The following EFCAB7 variants were observed in gnomAD, a reference collection of about 807,000 sequenced individuals.
EFCAB7 encodes the protein EF-hand calcium-binding domain-containing protein 7.
In EFCAB7, 66 loss-of-function variants were observed where a neutral mutation model predicts 77.1. The ratio of observed to expected loss-of-function variants is 0.86; its 90% CI spans 0.70 to 1.05. The LOEUF (loss-of-function observed/expected upper bound fraction) is 1.05. Among genes scored for constraint, EFCAB7 ranks in the 50% least tolerant of loss-of-function variants. EFCAB7 has a pLI of 0.00. For missense variants in EFCAB7, 638 were observed against 730.5 expected (o/e 0.87, Z 1.46); for synonymous variants, 225 against 243.3 (o/e 0.92, Z 0.70).
intron 8 of EFCAB7, among the ~76,000 whole-genome samples, chr1:63,553,830 T>A (rs151100622): frequency 4.8e-4 from 73 of 152,092 alleles, no homozygotes; most frequent in African/African-American, 1.7e-3. Context: ...CTAAGTTGGT[T>A]TTTGTTTGTC....
chr1:63,571,540 G>C (rs1647257596), intron 13 of EFCAB7, among the ~76,000 whole-genome samples: 1 of 151,854 alleles, frequency 6.6e-6, no homozygotes, highest in South Asian at 2.1e-4. Context: ...GGACATGGTG[G>C]CAGACGCCTG....
chr1:63,538,467 T>C (rs1486500582), intron 6 of EFCAB7, among the ~76,000 whole-genome samples: 4 of 152,260 alleles, frequency 2.6e-5, no homozygotes, highest in African/African-American at 4.8e-5. Flanking sequence ...TTTTCTTTTT[T>C]TTTTGAGATG....
Position 63,555,481 on chromosome 1 carries a change from G to A in EFCAB7, c.1180G>A (p.Glu394Lys). The part of the protein sequence containing the change: ...TDEAQLVYRD[E>K]TGELFLTKEF... ...TGAAGCCCAACTTGTATATAGAGAT[G>A]AAACAGGGGAATTATTCCTTACAAA... Residue 394 changes from glutamate (E) to lysine (K), a missense_variant, in exon 9 of 14, where the codon GAA becomes AAA. By Grantham distance (56) the Glu-to-Lys change is moderately conservative (BLOSUM62 1). Coordinates refer to ENST00000371088, the MANE Select transcript of EFCAB7 (RefSeq NM_032437.4). 1 of 1,613,384 alleles carries A rather than the reference G, an allele frequency of 6.2e-7. No individual in the cohort carries two copies. The highest frequency in any genetic ancestry group is 8.5e-7 in the Non-Finnish European group (1 of 1,179,636).
chr1:63,552,131 G>A (rs1346512626), intron 8 of EFCAB7, among the ~76,000 whole-genome samples: 2 of 151,956 alleles, frequency 1.3e-5, no homozygotes. Flanking sequence ...GAAGCAGGAG[G>A]ATTACTTGAG....
At position 63,562,966 on chromosome 1, in the gene EFCAB7, T is replaced by C. The variant is rs562467115; in HGVS notation, c.1497+1109T>C. Among the ~76,000 whole-genome samples the C allele has an allele frequency of 5.3e-5, 8 of 152,292 alleles. 1 individual carries two copies. The highest frequency in any genetic ancestry group is 1.9e-4 in the African/African-American group (8 of 41,584). Reference sequence around the variant, plus strand: ...TCAAAACCTTCATTAACCTGTTTGGTGAGAGGTTCTCTATTCTTTCCCCAT... The same window carrying C: ...TCAAAACCTTCATTAACCTGTTTGGCGAGAGGTTCTCTATTCTTTCCCCAT... On this transcript the variant is annotated intron_variant, in intron 11 of 13. Coordinates refer to ENST00000371088, the MANE Select transcript of EFCAB7 (RefSeq NM_032437.4).
chr1:63,584,347 G>A, the EFCAB7 span, among the ~76,000 whole-genome samples: 15 of 152,248 alleles, frequency 9.9e-5, no homozygotes, highest in South Asian at 1.5e-3. Flanking sequence ...TTGAGGACAG[G>A]AGTTCAAGAT....
intron 2 of EFCAB7, among the ~76,000 whole-genome samples, chr1:63,528,445 G>C (rs1018796472): frequency 6.6e-6 from 1 of 152,004 alleles, no homozygotes; most frequent in African/African-American, 2.4e-5. Flanking sequence ...GAAAGGTAGT[G>C]GGGGTAGGGG....
chr1:63,554,695 C>T (rs1647007452), intron 8 of EFCAB7, among the ~76,000 whole-genome samples: 1 of 152,098 alleles, frequency 6.6e-6, no homozygotes, highest in South Asian at 2.1e-4. Context: ...TGTTCTGGTA[C>T]CCATGATAAA....
At chr1:63,553,339 G>T (rs1292455608) in intron 8 of EFCAB7, among the ~76,000 whole-genome samples, 1 of 151,658 alleles carries the variant, frequency 6.6e-6, no homozygotes, top group Non-Finnish European at 1.5e-5. Flanking sequence ...TTTCATTTTT[G>T]TTTGTTTGTT....
intron 5 of EFCAB7, 70 bp from the exon 6 acceptor site, chr1:63,534,025 C>T: frequency 6.4e-7 from 1 of 1,555,648 alleles, no homozygotes. Flanking sequence ...TTATACTGCA[C>T]TGTGTTTGGA....
At chr1:63,556,649 CTG>C (rs1293484536) in intron 9 of EFCAB7, among the ~76,000 whole-genome samples, 2 of 152,164 alleles carry the variant, frequency 1.3e-5, no homozygotes, top group Non-Finnish European at 2.9e-5. Flanking sequence ...TGAGCCAAAA[CTG>C]TATTTGGTTA....
intron 6 of EFCAB7, 25 bp downstream of exon 6, chr1:63,534,241 G>A (rs1048952830): frequency 2.3e-5 from 37 of 1,595,380 alleles, no homozygotes; most frequent in Non-Finnish European, 3.0e-5. Flanking sequence ...GTTAACAGAT[G>A]ACTTTTTCTG....
chr1:63,528,620 T>G (rs183498421), intron 2 of EFCAB7, among the ~76,000 whole-genome samples: 22 of 152,264 alleles, frequency 1.4e-4, no homozygotes, highest in Admixed American at 3.3e-4. Flanking sequence ...ACAGATACCC[T>G]ATTTACCCTG....
intron 3 of EFCAB7, 23 bp downstream of exon 3, chr1:63,532,054 G>T: frequency 6.4e-7 from 1 of 1,562,592 alleles, no homozygotes. Context: ...AAACTGTTTT[G>T]TAATGTGCAT....
intron 2 of EFCAB7, among the ~76,000 whole-genome samples, chr1:63,528,660 A>G (rs1035012892): frequency 3.9e-5 from 6 of 152,178 alleles, no homozygotes; most frequent in Non-Finnish European, 8.8e-5. Flanking sequence ...GTATCAAAAA[A>G]TCTCATATTA....
At position 63,525,750 on chromosome 1, in the gene EFCAB7, CT is replaced by C; in HGVS notation, c.181del (p.Tyr61ThrfsTer2). On this transcript the variant is annotated frameshift_variant, in exon 2 of 14. Transcript: ENST00000371088. LOFTEE classifies it high-confidence loss of function. ...SLENIISKDQ[L>X]YLALQHAGRN... The stretch of plus-strand genomic sequence containing the variant: ...GGAAAACATTATTTCTAAAGATCAA[CT>C]TTACTTAGGTAAATTTTTAAAATTT... The C allele has an allele frequency of 1.9e-6, 3 of 1,560,562 alleles. No homozygotes were observed.
chr1:63,568,680 T>G, intron 12 of EFCAB7, 161 bp downstream of exon 12: 1 of 504,188 alleles, frequency 2.0e-6, no homozygotes. Context: ...TAACTCAAAC[T>G]GGGAGTGGTA....
Position 63,533,665 on chromosome 1 carries a change from A to G in EFCAB7, c.682+16A>G. 1 of 1,514,302 alleles carries G rather than the reference A, an allele frequency of 6.6e-7. No individual in the cohort carries two copies. The highest frequency in any genetic ancestry group is 2.3e-5 in the East Asian group (1 of 43,604). 93.8% of individuals were successfully genotyped at this position (1,514,302 alleles called of 1,614,324 possible). On this transcript the variant is annotated intron_variant, in intron 5 of 13. Transcript: ENST00000371088. ...TTAAATAAAGGTATTTACTTTTAAC[A>G]CTAAGAATTTCTTGATCAGAAATGA...
intron 13 of EFCAB7, 97 bp from the exon 14 acceptor site, chr1:63,572,345 T>G: frequency 2.1e-6 from 2 of 955,576 alleles, no homozygotes; most frequent in Non-Finnish European, 3.1e-6. Context: ...TACAGGGATA[T>G]TCTTATACAA....
Sources: gnomAD v4.1 joint callset for allele counts (sites outside exome capture counted in the v4.1 genomes callset) on GRCh38, gnomAD v4.1.1 for gene constraint, MANE v1.5 for transcripts, NCBI Gene and HGNC (gene_info 2026-07-23, HGNC 2026-07-21) for gene names.